The following POLN variants were observed in gnomAD, a reference collection of about 807,000 sequenced individuals.
POLN encodes the protein DNA polymerase nu.
A neutral mutation model predicts 113.5 loss-of-function variants in POLN; 108 were observed. The observed-to-expected ratio is 0.95, with a 90% CI of 0.81 to 1.12. The LOEUF (loss-of-function observed/expected upper bound fraction) is 1.12. POLN is among the 50% of genes most tolerant of loss of function. The pLI is 0.00. For synonymous variants in POLN, 386 were observed against 391.5 expected, an observed-to-expected ratio of 0.99 and a Z score of 0.17; for missense variants, 1,097 against 1,077.1, an observed-to-expected ratio of 1.02 and a Z score of -0.26.
chr4:2,081,656 T>C lies in POLN; in HGVS notation c.2285A>G (p.Gln762Arg), dbSNP rs771449827. The C allele has an allele frequency of 6.2e-7, 1 of 1,614,220 alleles. No homozygotes were observed. Among genetic ancestry groups the C allele is most frequent in the Admixed American group, 1.7e-5 (1 of 60,036 alleles). The change falls in exon 22 of 26, where the codon CAG becomes CGG. Residue 762 changes from glutamine to arginine, a missense_variant. Physicochemically the swap from Gln to Arg is conservative, Grantham distance 43 (BLOSUM62 1). Transcript: ENST00000511885. ...DQQLRAQAER[Q>R]AVNFVVQGSA... ...ACCTTGCACCACGAAGTTCACTGCC[T>C]GTCGCTCTGCTTGTGCCCGGAGTTG...
intron 16 of POLN, among the ~76,000 whole-genome samples, chr4:2,144,616 T>C (rs1028698707): frequency 2.6e-5 from 4 of 152,292 alleles, no homozygotes; most frequent in African/African-American, 9.6e-5. Flanking sequence ...TTCCGTTACC[T>C]AGTGAATATA....
rs542805564 is a variant in POLN at position 2,162,321 on chromosome 4, C to T, written c.1555-3110G>A. On this transcript the variant is annotated intron_variant, in intron 13 of 25. Coordinates refer to ENST00000511885, the MANE Select transcript of POLN (RefSeq NM_181808.4). ...CCGCCTTAAGAGCTGTAACACTCAC[C>T]GCGAAGGTCTGCAGTTTCACTCCTG... Among the ~76,000 whole-genome samples, 11 of 152,110 alleles carry T rather than the reference C, an allele frequency of 7.2e-5. No individual in the cohort carries two copies. In the South Asian group the frequency reaches 1.5e-3, roughly 20 times the overall value.
Position 2,072,013 on chromosome 4 carries a change from A to G in POLN, c.*101T>C. On this transcript the variant is annotated 3_prime_UTR_variant, in exon 26 of 26. Transcript: ENST00000511885. ...GGGATGGCGGGCCACCCCAGCCCCA[A>G]AGGGTTAATGCGTCCTGGGGCGTAC... 1 of 1,365,180 alleles carries G rather than the reference A, an allele frequency of 7.3e-7. No individual in the cohort carries two copies. Among genetic ancestry groups the G allele is most frequent in the Non-Finnish European group, 1.0e-6 (1 of 954,714 alleles). The allele number at this position is 1,365,180 out of a possible 1,614,324, so 84.6% of individuals were successfully genotyped here.
At position 2,220,273 on chromosome 4, in the gene POLN, C is replaced by CT. The variant is rs555737493; in HGVS notation, c.134-7148dup. ...GCTTTGCTTTCCTTTCTTCTTGCTC[C>CT]TGCAGCTCTTAACCAGTGTACTAGA... On this transcript the variant is annotated intron_variant, in intron 3 of 25. Transcript: ENST00000511885. Among the ~76,000 whole-genome samples the CT allele has an allele frequency of 4.1e-3, 630 of 152,306 alleles. 2 individuals are homozygous for CT. Among genetic ancestry groups the CT allele is most frequent in the Non-Finnish European group, 6.6e-3 (447 of 68,022 alleles).
At chr4:2,200,338 C>T (rs1269372013) in intron 5 of POLN, among the ~76,000 whole-genome samples, 1 of 152,186 alleles carries the variant, frequency 6.6e-6, no homozygotes, top group Non-Finnish European at 1.5e-5. Flanking sequence ...TAGATTGCAG[C>T]TCCCACTGGG....
intron 3 of POLN, among the ~76,000 whole-genome samples, chr4:2,225,427 C>T (rs908224708): frequency 9.2e-5 from 14 of 151,766 alleles, no homozygotes; most frequent in South Asian, 4.2e-4. Context: ...TGGTGGTGGG[C>T]GCCTGTAATA....
intron 24 of POLN, 128 bp downstream of exon 24, chr4:2,075,323 CA>C: frequency 3.9e-6 from 4 of 1,013,586 alleles, no homozygotes; most frequent in Admixed American, 2.3e-5. Context: ...GACACAGCAG[CA>C]ATGAGGTGGG....
chr4:2,176,333 T>G lies in POLN; in HGVS notation c.1181A>C (p.Asn394Thr). The change falls in exon 9 of 26, where the codon AAT (asparagine) becomes ACT (threonine). Residue 394 changes from asparagine to threonine, a missense_variant and splice_region_variant. Coordinates refer to ENST00000511885, the MANE Select transcript of POLN (RefSeq NM_181808.4). ...TYGNSSRNIV[N>T]QNVRENLKTL... ...CTTCAGGTTCTCACGTACATTCTGA[T>G]TCTTTAAAAGAGCAAAAGTATTTTT... is the stretch of plus-strand genomic sequence containing the variant. The G allele has an allele frequency of 6.3e-7, 1 of 1,594,250 alleles. No homozygotes were observed. The highest frequency in any genetic ancestry group is 8.5e-7 in the Non-Finnish European group (1 of 1,171,798).
At chr4:2,240,989 C>T (rs200126913) in intron 2 of POLN, 95 of 1,415,468 alleles carry the variant, frequency 6.7e-5, no homozygotes, top group Non-Finnish European at 1.3e-5. Flanking sequence ...TATGGGTTTA[C>T]GGTGTTGATT....
At chr4:2,123,458 A>G (rs1254990228) in intron 19 of POLN, among the ~76,000 whole-genome samples, 1 of 151,446 alleles carries the variant, frequency 6.6e-6, no homozygotes, top group Non-Finnish European at 1.5e-5. Flanking sequence ...GAACCCTCTC[A>G]CTACTAAAAT....
intron 16 of POLN, among the ~76,000 whole-genome samples, chr4:2,156,192 C>G (rs1487663760): frequency 6.6e-6 from 1 of 152,200 alleles, no homozygotes; most frequent in East Asian, 1.9e-4. Context: ...ATAGATACCA[C>G]AGTTCTGCAC....
At chr4:2,184,143 C>T (rs1230673981) in intron 7 of POLN, among the ~76,000 whole-genome samples, 4 of 147,766 alleles carry the variant, frequency 2.7e-5, no homozygotes, top group East Asian at 2.0e-4. Context: ...CGTGAGCCAC[C>T]GTGCCCAGCC....
intron 19 of POLN, among the ~76,000 whole-genome samples, chr4:2,107,079 A>G (rs934777970): frequency 6.6e-6 from 1 of 152,048 alleles, no homozygotes; most frequent in African/African-American, 2.4e-5. Flanking sequence ...CACATTGTCC[A>G]TTATATTATT....
At chr4:2,230,279 A>C (rs1447609999) in intron 2 of POLN, 4 of 152,100 alleles carry the variant, frequency 2.6e-5, no homozygotes, top group Middle Eastern at 3.2e-3. Flanking sequence ...TGAGTGACAC[A>C]GTTAGACTCT....
intron 16 of POLN, among the ~76,000 whole-genome samples, chr4:2,155,593 G>A (rs977935184): frequency 7.9e-5 from 12 of 152,176 alleles, no homozygotes; most frequent in African/African-American, 2.7e-4. Context: ...ATGTTACGGA[G>A]GGAAGGGAAA....
chr4:2,124,889 T>A (rs1731541073), intron 19 of POLN, among the ~76,000 whole-genome samples: 1 of 152,026 alleles, frequency 6.6e-6, no homozygotes, highest in African/African-American at 2.4e-5. Flanking sequence ...AATAAACGCC[T>A]ATGTAGGTAA....
intron 20 of POLN, among the ~76,000 whole-genome samples, chr4:2,088,369 C>T (rs1011642806): frequency 6.6e-6 from 1 of 152,022 alleles, no homozygotes; most frequent in African/African-American, 2.4e-5. Flanking sequence ...ATGAACAAAG[C>T]ACAAAAATAT....
rs114273649 is a variant in POLN, at chr4:2,235,792, A to C, written c.-13+5728T>G. ...GTGTGTGCGTAATAAAACTATACATAAAAGCAAGAAAATAATGAACAAATT... is the reference window on the plus strand; with the variant it reads ...GTGTGTGCGTAATAAAACTATACATCAAAGCAAGAAAATAATGAACAAATT... On this transcript the variant is annotated intron_variant, in intron 2 of 25. Coordinates refer to ENST00000511885, the MANE Select transcript of POLN (RefSeq NM_181808.4). 4.0e-3 allele frequency among the ~76,000 whole-genome samples: 612 copies of C among 152,320 alleles called. 5 individuals are homozygous for C. Among genetic ancestry groups the C allele is most frequent in the African/African-American group, 0.014 (587 of 41,578 alleles).
chr4:2,107,232 T>C, intron 19 of POLN, among the ~76,000 whole-genome samples: 1 of 152,230 alleles, frequency 6.6e-6, no homozygotes, highest in Non-Finnish European at 1.5e-5. Flanking sequence ...AATAGTTTCC[T>C]TTTAGTTGAT....
Sources: allele counts gnomAD v4.1 joint callset (sites outside exome capture counted in the v4.1 genomes callset), GRCh38; gene constraint gnomAD v4.1.1; transcripts MANE v1.5; gene names NCBI Gene and HGNC (gene_info 2026-07-23, HGNC 2026-07-21).